GLIS3: variants seen among roughly 807,000 people sequenced by gnomAD.
GLIS3 encodes the protein GLIS family zinc finger 3, also known as zinc finger protein GLIS3.
Under a neutral mutation model 78.6 loss-of-function variants are expected in GLIS3, and 53 were observed. The observed-to-expected ratio is 0.67, with a 90% confidence interval of 0.54 to 0.85. GLIS3 has a LOEUF of 0.85. Ranked by LOEUF, GLIS3 falls within the 40% of genes least tolerant of loss-of-function variation. The pLI is 0.00. For synonymous variants in GLIS3, 684 were observed against 509.9 expected, an observed-to-expected ratio of 1.34 and a Z score of -4.60; for missense variants, 1,703 against 1,231.1, an observed-to-expected ratio of 1.38 and a Z score of -5.74.
chr9:4,481,384 T>G, the GLIS3 span, among the ~76,000 whole-genome samples: 1 of 152,118 alleles, frequency 6.6e-6, no homozygotes, highest in African/African-American at 2.4e-5. Flanking sequence ...CTCAGGAGGC[T>G]GACTCAGGGG....
chr9:4,206,408 G>A (rs1425475455), intron 2 of GLIS3, among the ~76,000 whole-genome samples: 1 of 152,138 alleles, frequency 6.6e-6, no homozygotes, highest in Non-Finnish European at 1.5e-5. Flanking sequence ...CTTGAAAGAG[G>A]CTTATTTTCT....
At chr9:4,145,664 G>A (rs886120404) in intron 2 of GLIS3, among the ~76,000 whole-genome samples, 3 of 151,854 alleles carry the variant, frequency 2.0e-5, no homozygotes, top group East Asian at 3.9e-4. Context: ...CTCTGTCAGA[G>A]GGACCTAACA....
At chr9:3,988,174 G>C (rs954348719) in intron 4 of GLIS3, among the ~76,000 whole-genome samples, 1 of 151,808 alleles carries the variant, frequency 6.6e-6, no homozygotes, top group Admixed American at 6.6e-5. Flanking sequence ...TTTATATTCA[G>C]AGAAACTATC....
At chr9:3,887,076 A>C (rs1355628041) in intron 7 of GLIS3, among the ~76,000 whole-genome samples, 1 of 152,184 alleles carries the variant, frequency 6.6e-6, no homozygotes, top group East Asian at 1.9e-4. Context: ...TTGTGGCATG[A>C]AAACTTTTAA....
chr9:4,246,422 T>C (rs1823808350), intron 2 of GLIS3, among the ~76,000 whole-genome samples: 1 of 152,192 alleles, frequency 6.6e-6, no homozygotes, highest in African/African-American at 2.4e-5. Context: ...CTTCTCAGGA[T>C]CTTGTTTAAG....
chr9:4,189,625 G>T lies in GLIS3; in HGVS notation c.389-63684C>A, dbSNP rs546458212. ...AGTCTCCCATTATTATTGTGTGGGAGTCTAAGTCTCTTTGTAGGTCACTCA... is the reference window on the plus strand; with the variant it reads ...AGTCTCCCATTATTATTGTGTGGGATTCTAAGTCTCTTTGTAGGTCACTCA... On this transcript the variant is annotated intron_variant, in intron 2 of 10. Coordinates refer to ENST00000381971, the MANE Select transcript of GLIS3 (RefSeq NM_001042413.2). Among the ~76,000 whole-genome samples the T allele has an allele frequency of 1.4e-3, 212 of 152,272 alleles. 1 individual carries two copies. The highest frequency in any genetic ancestry group is 4.7e-3 in the African/African-American group (196 of 41,558).
chr9:4,196,431 C>G (rs969353322), intron 2 of GLIS3, among the ~76,000 whole-genome samples: 1 of 152,240 alleles, frequency 6.6e-6, no homozygotes, highest in African/African-American at 2.4e-5. Context: ...TTTGTTCTTT[C>G]GCTCTTTGCG....
intron 4 of GLIS3, among the ~76,000 whole-genome samples, chr9:4,046,608 A>G (rs1825271616): frequency 6.6e-6 from 1 of 152,226 alleles, no homozygotes; most frequent in Non-Finnish European, 1.5e-5. Context: ...TTTTAGAATT[A>G]GGTAGGTAAT....
chr9:4,333,896 T>C (rs1028208624), intron 2 of GLIS3, among the ~76,000 whole-genome samples: 1 of 152,158 alleles, frequency 6.6e-6, no homozygotes, highest in African/African-American at 2.4e-5. Flanking sequence ...GGAAAACCAC[T>C]TTGCATTGGG....
At chr9:3,937,972 A>C (rs1385554116) in intron 4 of GLIS3, among the ~76,000 whole-genome samples, 1 of 152,244 alleles carries the variant, frequency 6.6e-6, no homozygotes, top group Admixed American at 6.5e-5. Context: ...CTGGTTTGTC[A>C]ATAATATTTA....
At chr9:4,040,695 G>C (rs567524065) in intron 4 of GLIS3, among the ~76,000 whole-genome samples, 32 of 152,338 alleles carry the variant, frequency 2.1e-4, no homozygotes, top group African/African-American at 7.7e-4. Context: ...TGGATAGTGA[G>C]TTATAAAAGA....
chr9:4,276,541 CGGAAG>C (rs1176405349), intron 2 of GLIS3, among the ~76,000 whole-genome samples: 4 of 16,172 alleles, frequency 2.5e-4, no homozygotes, highest in Middle Eastern at 0.05. Flanking sequence ...GAGAAGGGGA[CGGAAG>C]GGGAGGGGAG....
At chr9:4,356,237 G>A in the GLIS3 span, among the ~76,000 whole-genome samples, 1 of 152,198 alleles carries the variant, frequency 6.6e-6, no homozygotes, top group African/African-American at 2.4e-5. Flanking sequence ...TTCACACTGA[G>A]TTCAGCAGCA....
intron 6 of GLIS3, among the ~76,000 whole-genome samples, chr9:3,910,731 T>G (rs751586797): frequency 6.6e-6 from 1 of 152,236 alleles, no homozygotes; most frequent in African/African-American, 2.4e-5. Flanking sequence ...ATATTCACTT[T>G]CCTGAGTAGA....
chr9:4,440,739 C>A, the GLIS3 span, among the ~76,000 whole-genome samples: 1 of 152,110 alleles, frequency 6.6e-6, no homozygotes, highest in African/African-American at 2.4e-5. Context: ...TTTTGTAGAT[C>A]ACTTCAGGTA....
rs1349649858 is a variant in GLIS3, at chr9:3,982,525, G to A, written c.1711-45336C>T. On this transcript the variant is annotated intron_variant, in intron 4 of 10. Coordinates refer to ENST00000381971, the MANE Select transcript of GLIS3 (RefSeq NM_001042413.2). Reference sequence around the variant, plus strand: ...CAAGTAACCCATGACGGAAAACACAGGGGAAGCTTCTTCTTTTTCTTGTTG... The same window carrying A: ...CAAGTAACCCATGACGGAAAACACAAGGGAAGCTTCTTCTTTTTCTTGTTG... 7.9e-5 allele frequency among the ~76,000 whole-genome samples: 12 copies of A among 152,328 alleles called. No individual in the cohort carries two copies. The East Asian group carries it at 2.3e-3, about 29-fold the overall frequency.
the GLIS3 span, among the ~76,000 whole-genome samples, chr9:4,391,965 G>C: frequency 2.0e-5 from 3 of 152,258 alleles, no homozygotes; most frequent in African/African-American, 7.2e-5. Flanking sequence ...GTTCATTCCA[G>C]CACTATTCAC....
chr9:4,363,289 G>A, the GLIS3 span, among the ~76,000 whole-genome samples: 81 of 152,238 alleles, frequency 5.3e-4, no homozygotes, highest in African/African-American at 1.8e-3. Flanking sequence ...CAGGTGTGGT[G>A]GCACATGCCT....
Position 4,339,594 on chromosome 9 carries a change from C to T in GLIS3, n.264+7487G>A, listed in dbSNP as rs973252290. 2.0e-5 allele frequency among the ~76,000 whole-genome samples: 3 copies of T among 150,508 alleles called. No individual in the cohort carries two copies. The South Asian group carries it at 6.4e-4, about 32-fold the overall frequency. On this transcript the variant is annotated intron_variant and non_coding_transcript_variant, in intron 2 of 4. Coordinates refer to the GLIS3 transcript ENST00000471664. ...CTGTTGCTTCTGGTCCTTCTGTGAT[C>T]CGTCTCTGTTGTGTGTATTTAGGGT... is the stretch of plus-strand genomic sequence containing the variant.
Sources: allele counts gnomAD v4.1 joint callset (sites outside exome capture counted in the v4.1 genomes callset), GRCh38; gene constraint gnomAD v4.1.1; transcripts MANE v1.5; gene names NCBI Gene and HGNC (gene_info 2026-07-23, HGNC 2026-07-21).